Variants in ANKS1B observed in about 807,000 individuals in gnomAD.
ANKS1B encodes the protein ankyrin repeat and sterile alpha motif domain-containing protein 1B.
ANKS1B carries 36 observed loss-of-function variants against 148.3 expected under a neutral mutation model. The ratio of observed to expected loss-of-function variants is 0.24; its 90% confidence interval spans 0.19 to 0.32. ANKS1B has a LOEUF of 0.32. Among genes scored for constraint, ANKS1B ranks in the 10% least tolerant of loss-of-function variants. ANKS1B has a pLI of 1.00. For missense variants in ANKS1B, 1,157 were observed against 1,542.6 expected, an observed-to-expected ratio of 0.75 and a Z score of 4.19; for synonymous variants, 542 against 560.8, an observed-to-expected ratio of 0.97 and a Z score of 0.47.
chr12:99,196,463 T>G (rs2081386139), intron 14 of ANKS1B, among the ~76,000 whole-genome samples: 1 of 152,134 alleles, frequency 6.6e-6, no homozygotes, highest in African/African-American at 2.4e-5. Context: ...GCTGGCTGTC[T>G]TTACTACAAG....
At chr12:99,649,167 A>G (rs1445654322) in intron 9 of ANKS1B, 1 of 793,420 alleles carries the variant, frequency 1.3e-6, no homozygotes. Context: ...ACTTATATAC[A>G]TTGGTGGCAA....
intron 1 of ANKS1B, among the ~76,000 whole-genome samples, chr12:99,933,306 T>C (rs1349047187): frequency 6.6e-6 from 1 of 152,188 alleles, no homozygotes; most frequent in African/African-American, 2.4e-5. Context: ...AGAATATCAC[T>C]GGTATTTTGA....
intron 15 of ANKS1B, among the ~76,000 whole-genome samples, chr12:99,121,439 T>C (rs2062853700): frequency 6.6e-6 from 1 of 151,896 alleles, no homozygotes; most frequent in Non-Finnish European, 1.5e-5. Context: ...TAAAGGAAAT[T>C]ATGTTACTTA....
chr12:99,978,366 A>G (rs921205112), intron 1 of ANKS1B, among the ~76,000 whole-genome samples: 2 of 152,172 alleles, frequency 1.3e-5, no homozygotes, highest in Non-Finnish European at 2.9e-5. Context: ...AACCCTGCTC[A>G]GTGGAGAAAG....
At chr12:99,099,568 C>T (rs1254522697) in intron 15 of ANKS1B, among the ~76,000 whole-genome samples, 1 of 152,222 alleles carries the variant, frequency 6.6e-6, no homozygotes, top group African/African-American at 2.4e-5. Context: ...ATGCCTGGAG[C>T]ATTCTCCCTC....
chr12:99,839,428 G>C (rs2085351137), intron 1 of ANKS1B, among the ~76,000 whole-genome samples: 1 of 151,794 alleles, frequency 6.6e-6, no homozygotes, highest in East Asian at 1.9e-4. Context: ...TAAAACCCAA[G>C]GATAATCACA....
chr12:99,091,893 T>A (rs1360668453), intron 15 of ANKS1B, among the ~76,000 whole-genome samples: 1 of 152,164 alleles, frequency 6.6e-6, no homozygotes, highest in Non-Finnish European at 1.5e-5. Flanking sequence ...ATGCAGGAGA[T>A]AAAAGGTTGA....
chr12:99,263,717 A>G (rs1474616547), intron 12 of ANKS1B, among the ~76,000 whole-genome samples: 1 of 152,058 alleles, frequency 6.6e-6, no homozygotes, highest in East Asian at 1.9e-4. Context: ...CGGTTTTATA[A>G]GTGCTTGACA....
At chr12:98,807,997 A>G (rs2099064090) in intron 19 of ANKS1B, 79 bp from the exon 20 acceptor site, 12 of 1,107,700 alleles carry the variant, frequency 1.1e-5, no homozygotes, top group Non-Finnish European at 1.6e-5. Flanking sequence ...AGGAAGGAAA[A>G]GAGGAAAATA....
chr12:99,601,846 C>T (rs2097802386), intron 9 of ANKS1B, among the ~76,000 whole-genome samples: 1 of 151,956 alleles, frequency 6.6e-6, no homozygotes, highest in Admixed American at 6.6e-5. Flanking sequence ...TGTTCTTATT[C>T]TTCTTGAACT....
intron 1 of ANKS1B, among the ~76,000 whole-genome samples, chr12:99,950,347 T>G (rs1433040745): frequency 6.6e-6 from 1 of 152,006 alleles, no homozygotes; most frequent in South Asian, 2.1e-4. Context: ...AGACTATCAT[T>G]TGAATTCCTA....
At position 99,746,106 on chromosome 12, in the gene ANKS1B, G is replaced by A. The variant is rs79678590; in HGVS notation, c.1128+26816C>T. On this transcript the variant is annotated intron_variant, in intron 8 of 26. Coordinates refer to ENST00000683438, the MANE Select transcript of ANKS1B (RefSeq NM_001352186.2). ...ACATAACTGGTGAGCAGCAACACTA[G>A]GGTTTAAACCAGGGCCGTGTAACTC... is the stretch of plus-strand genomic sequence containing the variant. Among the ~76,000 whole-genome samples, 536 of 152,224 alleles carry A rather than the reference G, an allele frequency of 3.5e-3. 20 individuals are homozygous for A. In the South Asian group the frequency reaches 0.053, roughly 15 times the overall value.
chr12:98,784,721 G>A (rs967009555), intron 22 of ANKS1B, among the ~76,000 whole-genome samples: 2 of 152,178 alleles, frequency 1.3e-5, no homozygotes, highest in Admixed American at 6.5e-5. Context: ...GGTGGTTCCT[G>A]TGATGGTACA....
At chr12:98,892,523 T>C (rs61304386) in intron 17 of ANKS1B, among the ~76,000 whole-genome samples, 2,511 of 152,354 alleles carry the variant, frequency 0.016, 32 homozygotes, top group African/African-American at 0.037. Context: ...TAAACATTTC[T>C]GACCAAAGGT....
At chr12:99,466,814 A>G (rs1331279726) in intron 10 of ANKS1B, among the ~76,000 whole-genome samples, 1 of 151,988 alleles carries the variant, frequency 6.6e-6, no homozygotes, top group African/African-American at 2.4e-5. Context: ...ACCAACCAAA[A>G]AGAGTCCAGG....
intron 14 of ANKS1B, among the ~76,000 whole-genome samples, chr12:99,225,711 T>C (rs1474859884): frequency 6.6e-6 from 1 of 152,242 alleles, no homozygotes. Context: ...TTCTTCAGCT[T>C]TGGACTCTTG....
Position 99,957,761 on chromosome 12 carries a change from T to C in ANKS1B, c.134+26343A>G, listed in dbSNP as rs537378311. Among the ~76,000 whole-genome samples the C allele has an allele frequency of 1.2e-4, 19 of 152,344 alleles. No homozygotes were observed. In the South Asian group the frequency reaches 2.1e-3, roughly 17 times the overall value. ...TATTTAATTGTTCTCAGCACTGGCATTGCTAACCAAGACTACCTTCTCAGT... is the reference window on the plus strand; with the variant it reads ...TATTTAATTGTTCTCAGCACTGGCACTGCTAACCAAGACTACCTTCTCAGT... On this transcript the variant is annotated intron_variant, in intron 1 of 26. Transcript: ENST00000683438.
intron 15 of ANKS1B, among the ~76,000 whole-genome samples, chr12:99,102,413 TTTCTTC>T (rs72119352): frequency 2.1e-4 from 31 of 151,186 alleles, no homozygotes; most frequent in Admixed American, 9.2e-4. Flanking sequence ...GTTGCTTTAT[TTTCTTC>T]TTCTTCTTCT....
At chr12:99,796,832 A>G (rs1047884852) in intron 4 of ANKS1B, among the ~76,000 whole-genome samples, 6 of 152,004 alleles carry the variant, frequency 3.9e-5, no homozygotes, top group Non-Finnish European at 8.8e-5. Context: ...CCTTTACATT[A>G]TTCCAAGATA....
Sources: allele counts gnomAD v4.1 joint callset (sites outside exome capture counted in the v4.1 genomes callset), GRCh38; gene constraint gnomAD v4.1.1; transcripts MANE v1.5; gene names NCBI Gene and HGNC (gene_info 2026-07-23, HGNC 2026-07-21).